The following PLS1 variants were observed in gnomAD, a reference collection of about 807,000 sequenced individuals.
PLS1 encodes plastin 1, also known as plastin-1.
A neutral mutation model predicts 73.7 loss-of-function variants in PLS1; 32 were observed. That is an observed-to-expected ratio of 0.43 (90% CI 0.33 to 0.58). The LOEUF is 0.58. Among genes scored for constraint, PLS1 ranks in the 20% least tolerant of loss-of-function variants. The probability of loss-of-function intolerance (pLI) is 0.04; values close to 1 mark genes in which losing one functional copy is unlikely to be tolerated. For synonymous variants in PLS1, 217 were observed against 261.3 expected, an observed-to-expected ratio of 0.83 and a Z score of 1.63; for missense variants, 633 against 740.5, an observed-to-expected ratio of 0.85 and a Z score of 1.68.
chr3:142,711,785 CT>C, intron 15 of PLS1, 86 bp from the exon 16 acceptor site: 1 of 1,469,380 alleles, frequency 6.8e-7, no homozygotes, highest in East Asian at 2.3e-5. Context: ...TAAAACTAAT[CT>C]TGTCAAAATA....
chr3:142,626,569 G>T (rs1012011641), intron 1 of PLS1, among the ~76,000 whole-genome samples: 4 of 152,164 alleles, frequency 2.6e-5, no homozygotes, highest in African/African-American at 9.7e-5. Flanking sequence ...CAATATGTAT[G>T]CAAGATACTG....
intron 2 of PLS1, among the ~76,000 whole-genome samples, chr3:142,664,927 A>G (rs1460183824): frequency 1.3e-5 from 2 of 150,568 alleles, no homozygotes; most frequent in African/African-American, 4.9e-5. Flanking sequence ...TTCTTCTGCA[A>G]TTTGCTCTTA....
chr3:142,625,654 G>A (rs1271101748), intron 1 of PLS1, among the ~76,000 whole-genome samples: 1 of 152,110 alleles, frequency 6.6e-6, no homozygotes, highest in East Asian at 1.9e-4. Context: ...TACTTAATGT[G>A]TAGGTTATAT....
At chr3:142,702,188 G>C (rs1216257540) in intron 12 of PLS1, among the ~76,000 whole-genome samples, 1 of 152,030 alleles carries the variant, frequency 6.6e-6, no homozygotes, top group East Asian at 1.9e-4. Context: ...TAAGTAGCTG[G>C]GACTACAGGC....
chr3:142,693,248 AT>A (rs1199819281), intron 10 of PLS1, among the ~76,000 whole-genome samples: 1 of 152,190 alleles, frequency 6.6e-6, no homozygotes, highest in East Asian at 1.9e-4. Context: ...TGGGTAGATG[AT>A]TTCCTGAACA....
At chr3:142,608,460 C>G (rs916586129) in intron 1 of PLS1, among the ~76,000 whole-genome samples, 1 of 152,124 alleles carries the variant, frequency 6.6e-6, no homozygotes, top group Non-Finnish European at 1.5e-5. Context: ...TGAGTACTTC[C>G]ACCTACATCA....
chr3:142,664,655 T>G (rs7620068), intron 2 of PLS1, among the ~76,000 whole-genome samples: 6,749 of 152,304 alleles, frequency 0.044, 499 homozygotes, highest in African/African-American at 0.15. Context: ...CCTTCACATC[T>G]TTGCACTAAC....
At chr3:142,616,426 T>C (rs987664645) in intron 1 of PLS1, among the ~76,000 whole-genome samples, 7 of 152,234 alleles carry the variant, frequency 4.6e-5, no homozygotes, top group African/African-American at 1.7e-4. Context: ...CCTTTACAAT[T>C]AATCACTTAT....
rs1577923716 is a variant in PLS1 at position 142,712,486 on chromosome 3, T to G, written c.*479T>G. 2 of 154,080 alleles carry G rather than the reference T, an allele frequency of 1.3e-5. No homozygotes were observed. The highest frequency in any genetic ancestry group is 6.8e-3 in the Middle Eastern group (2 of 294). 9.5% of individuals were successfully genotyped at this position (154,080 alleles called of 1,614,324 possible). ...CCAAAAACACTTTTCTGTAAGTTTC[T>G]ATACTGTCTAAAACCTTATGGTGAC... is the stretch of plus-strand genomic sequence containing the variant. On this transcript the variant is annotated 3_prime_UTR_variant, in exon 16 of 16. Transcript: ENST00000457734.
At position 142,596,706 on chromosome 3, in the gene PLS1, C is replaced by A. The variant is rs149113830; in HGVS notation, c.-37+197C>A. Among the ~76,000 whole-genome samples, 47 of 152,340 alleles carry A rather than the reference C, an allele frequency of 3.1e-4. 1 individual carries two copies. In the East Asian group the frequency reaches 8.7e-3, roughly 28 times the overall value. On this transcript the variant is annotated intron_variant, in intron 1 of 15. Coordinates refer to ENST00000457734, the MANE Select transcript of PLS1 (RefSeq NM_001145319.2). ...TTCTGCCCAGTCCCGGCAGGCAGTG[C>A]CCGCAGGTGTTAAATCGCGTATTTA...
intron 1 of PLS1, among the ~76,000 whole-genome samples, chr3:142,630,812 A>AG (rs1054233269): frequency 3.9e-5 from 6 of 152,156 alleles, no homozygotes; most frequent in Non-Finnish European, 7.4e-5. Flanking sequence ...CTTGAAAAAA[A>AG]TAGAGAGTGT....
chr3:142,711,343 A>G lies in PLS1; in HGVS notation c.1630-158A>G, dbSNP rs1933115698. Among the ~76,000 whole-genome samples the G allele has an allele frequency of 2.0e-5, 3 of 152,186 alleles. No individual in the cohort carries two copies. The South Asian group carries it at 6.2e-4, about 31-fold the overall frequency. On this transcript the variant is annotated intron_variant, in intron 14 of 15. Transcript: ENST00000457734. ...AGATTCAAGGAAAAGTATATTTTAAAGGGTTTATTTATGTGTGCTGGTTGC... is the reference window on the plus strand; with the variant it reads ...AGATTCAAGGAAAAGTATATTTTAAGGGGTTTATTTATGTGTGCTGGTTGC...
At chr3:142,630,304 C>A (rs1254804548) in intron 1 of PLS1, among the ~76,000 whole-genome samples, 2 of 151,412 alleles carry the variant, frequency 1.3e-5, no homozygotes, top group African/African-American at 4.9e-5. Context: ...GCCTGTAATA[C>A]CAGCTGCTCA....
chr3:142,628,950 TTC>T (rs2036491798), intron 1 of PLS1, among the ~76,000 whole-genome samples: 1 of 152,356 alleles, frequency 6.6e-6, no homozygotes, highest in East Asian at 1.9e-4. Context: ...AATGACGAAA[TTC>T]TCTTATGGCA....
At chr3:142,603,849 G>A (rs2035970775) in intron 1 of PLS1, among the ~76,000 whole-genome samples, 1 of 151,596 alleles carries the variant, frequency 6.6e-6, no homozygotes, top group Non-Finnish European at 1.5e-5. Flanking sequence ...AAAGATCCAA[G>A]CTGACCACAA....
At position 142,684,036 on chromosome 3, in the gene PLS1, T is replaced by A; in HGVS notation, c.610T>A (p.Ser204Thr). The part of the protein sequence containing the change: ...ENLNLALNSA[S>T]AIGCTVVNIG... ...TTTAAACCTAGCTCTGAATTCTGCC[T>A]CAGCCATTGGTTGTACAGTGGTCAA... Residue 204 changes from serine (S) to threonine (T), a missense_variant, in exon 7 of 16, where the codon TCA becomes ACA. Physicochemically the swap from Ser to Thr is moderately conservative, Grantham distance 58. Transcript: ENST00000457734. 2 of 1,611,536 alleles carry A rather than the reference T, an allele frequency of 1.2e-6. No homozygotes were observed. Among genetic ancestry groups the A allele is most frequent in the Non-Finnish European group, 1.7e-6 (2 of 1,179,242 alleles).
intron 1 of PLS1, among the ~76,000 whole-genome samples, chr3:142,663,783 T>A (rs1002886522): frequency 1.1e-4 from 17 of 152,360 alleles, no homozygotes; most frequent in African/African-American, 4.1e-4. Flanking sequence ...GATAAGCAGA[T>A]GCTGAATTCA....
chr3:142,606,200 T>G (rs1467407046), intron 1 of PLS1, among the ~76,000 whole-genome samples: 1 of 152,250 alleles, frequency 6.6e-6, no homozygotes, highest in Admixed American at 6.5e-5. Context: ...CAGGCACACT[T>G]AAGGAAGACC....
chr3:142,651,444 A>G (rs1273128460), intron 1 of PLS1, among the ~76,000 whole-genome samples: 2 of 144,932 alleles, frequency 1.4e-5, no homozygotes, highest in Non-Finnish European at 3.0e-5. Context: ...CCTGGATGAC[A>G]AGAAAGGAAC....
Sources: gnomAD v4.1 joint callset for allele counts (sites outside exome capture counted in the v4.1 genomes callset) on GRCh38, gnomAD v4.1.1 for gene constraint, MANE v1.5 for transcripts, NCBI Gene and HGNC (gene_info 2026-07-23, HGNC 2026-07-21) for gene names.